INPP4A: variants seen among roughly 807,000 people sequenced by gnomAD.
INPP4A encodes the protein inositol polyphosphate-4-phosphatase type I A.
A neutral mutation model predicts 119.8 loss-of-function variants in INPP4A; 33 were observed. The ratio of observed to expected loss-of-function variants is 0.28; its 90% CI spans 0.21 to 0.37. INPP4A has a LOEUF of 0.37. Among genes scored for constraint, INPP4A ranks in the 10% least tolerant of loss-of-function variants. The probability of loss-of-function intolerance (pLI) is 1.00; values close to 1 mark genes in which losing one functional copy is unlikely to be tolerated. For missense variants in INPP4A, 956 were observed against 1,289.9 expected (o/e 0.74, Z 3.97); for synonymous variants, 496 against 500.7 (o/e 0.99, Z 0.12).
At position 98,513,209 on chromosome 2, in the gene INPP4A, T is replaced by A. The variant is rs575263951; in HGVS notation, c.-165-5755T>A. ...CGCCTCCCAGAATCAGTCCTTCTGC[T>A]TTTATGACCCATGCCAACCCCACAA... On this transcript the variant is annotated intron_variant, in intron 1 of 24. Coordinates refer to ENST00000409851, the MANE Select transcript of INPP4A (RefSeq NM_001134225.2). Among the ~76,000 whole-genome samples, 4 of 152,274 alleles carry A rather than the reference T, an allele frequency of 2.6e-5. No homozygotes were observed. The East Asian group carries it at 7.7e-4, about 29-fold the overall frequency.
At chr2:98,565,909 C>T in intron 20 of INPP4A, 120 bp from the exon 21 acceptor site, 1 of 1,497,928 alleles carries the variant, frequency 6.7e-7, no homozygotes, top group Non-Finnish European at 9.0e-7. Flanking sequence ...GTGCCACTCC[C>T]TTAAAGGTCT....
chr2:98,457,852 A>AGT (rs1055923942), intron 1 of INPP4A, among the ~76,000 whole-genome samples: 1 of 152,028 alleles, frequency 6.6e-6, no homozygotes, highest in African/African-American at 2.4e-5. Context: ...CCCAGGCTAT[A>AGT]GTGTAGTAGA....
intron 16 of INPP4A, chr2:98,556,135 G>T: frequency 3.1e-6 from 1 of 317,552 alleles, no homozygotes; most frequent in Non-Finnish European, 5.8e-6. Context: ...CCTGAAGGAG[G>T]CCAGGATGCA....
intron 11 of INPP4A, 52 bp downstream of exon 11, chr2:98,544,059 ACACACT>A: frequency 6.7e-7 from 1 of 1,486,156 alleles, no homozygotes; most frequent in Non-Finnish European, 9.1e-7. Context: ...ACACACACAC[ACACACT>A]CTCACTCTCA....
intron 1 of INPP4A, among the ~76,000 whole-genome samples, chr2:98,500,174 C>G (rs987706634): frequency 2.6e-5 from 4 of 152,064 alleles, no homozygotes; most frequent in Non-Finnish European, 4.4e-5. Flanking sequence ...TTGTGGTATA[C>G]AGAGTCCTCA....
At chr2:98,445,850 A>C (rs1694094716) in intron 1 of INPP4A, among the ~76,000 whole-genome samples, 1 of 152,226 alleles carries the variant, frequency 6.6e-6, no homozygotes, top group African/African-American at 2.4e-5. Flanking sequence ...TCCTCTGGGT[A>C]AGAAAGACCT....
chr2:98,524,490 G>T (rs1256369445), intron 4 of INPP4A, among the ~76,000 whole-genome samples: 1 of 152,176 alleles, frequency 6.6e-6, no homozygotes, highest in Non-Finnish European at 1.5e-5. Context: ...TCCCTTGTAC[G>T]AAGGCATGTT....
At chr2:98,450,490 G>T (rs1270867779) in intron 1 of INPP4A, among the ~76,000 whole-genome samples, 1 of 152,156 alleles carries the variant, frequency 6.6e-6, no homozygotes, top group Non-Finnish European at 1.5e-5. Context: ...GTGGACTCTG[G>T]TGCTGCACTT....
intron 13 of INPP4A, among the ~76,000 whole-genome samples, chr2:98,551,598 G>A (rs1693532155): frequency 6.6e-6 from 1 of 152,212 alleles, no homozygotes; most frequent in South Asian, 2.1e-4. Flanking sequence ...GGCCAATGGG[G>A]AAGATTCTCA....
chr2:98,516,204 G>T (rs1325475688), intron 1 of INPP4A, among the ~76,000 whole-genome samples: 1 of 152,182 alleles, frequency 6.6e-6, no homozygotes, highest in Non-Finnish European at 1.5e-5. Context: ...GAGAAATCGA[G>T]TTCAGCTGTG....
At chr2:98,451,305 C>T (rs1695179097) in intron 1 of INPP4A, among the ~76,000 whole-genome samples, 2 of 152,096 alleles carry the variant, frequency 1.3e-5, no homozygotes, top group South Asian at 4.1e-4. Context: ...GTGAGGCTCA[C>T]CTGGCGAGGG....
chr2:98,534,860 G>T (rs1689929735), intron 5 of INPP4A, among the ~76,000 whole-genome samples: 1 of 152,230 alleles, frequency 6.6e-6, no homozygotes, highest in African/African-American at 2.4e-5. Context: ...CTTGCAAGGG[G>T]AGTTCATGAT....
At chr2:98,575,916 G>C (rs1377584616) in intron 23 of INPP4A, among the ~76,000 whole-genome samples, 1 of 152,212 alleles carries the variant, frequency 6.6e-6, no homozygotes, top group East Asian at 1.9e-4. Flanking sequence ...GGAATGCACA[G>C]GTTTTCAGAT....
chr2:98,549,667 G>A (rs1693143480), intron 13 of INPP4A, among the ~76,000 whole-genome samples: 1 of 152,184 alleles, frequency 6.6e-6, no homozygotes, highest in African/African-American at 2.4e-5. Flanking sequence ...GTGACCCATG[G>A]GGCTCAGGGG....
chr2:98,584,630 T>C (rs1328464727), intron 24 of INPP4A, among the ~76,000 whole-genome samples: 1 of 152,238 alleles, frequency 6.6e-6, no homozygotes, highest in Non-Finnish European at 1.5e-5. Context: ...CTGAGAGAAA[T>C]GAGACCAAAG....
chr2:98,516,255 C>T (rs1173511648), intron 1 of INPP4A, among the ~76,000 whole-genome samples: 1 of 152,188 alleles, frequency 6.6e-6, no homozygotes, highest in Non-Finnish European at 1.5e-5. Flanking sequence ...ACTTAAATTG[C>T]AGATTCTAAT....
chr2:98,457,553 T>G (rs929995701), intron 1 of INPP4A, among the ~76,000 whole-genome samples: 1 of 152,244 alleles, frequency 6.6e-6, no homozygotes, highest in Non-Finnish European at 1.5e-5. Context: ...CCAGTGTTTG[T>G]CATGGGAACT....
At chr2:98,541,915 T>A (rs1691535773) in intron 10 of INPP4A, among the ~76,000 whole-genome samples, 1 of 152,192 alleles carries the variant, frequency 6.6e-6, no homozygotes, top group Admixed American at 6.5e-5. Flanking sequence ...AGTGCTTTAG[T>A]TCAAGGGTTT....
rs193203141 is a variant in INPP4A, at chr2:98,543,835, C to T, written c.819-42C>T. 231 of 1,609,920 alleles carry T rather than the reference C, an allele frequency of 1.4e-4. 2 individuals carry two copies. The African/African-American group carries it at 2.6e-3, about 18-fold the overall frequency. On this transcript the variant is annotated intron_variant, in intron 10 of 24. Coordinates refer to ENST00000409851, the MANE Select transcript of INPP4A (RefSeq NM_001134225.2). ...GACCTCCTGGGCCTCTCTGGGGAAA[C>T]CAGTTAGCCCACAGCCTGATGCATC... is the stretch of plus-strand genomic sequence containing the variant.
Sources: allele counts gnomAD v4.1 joint callset (sites outside exome capture counted in the v4.1 genomes callset), GRCh38; gene constraint gnomAD v4.1.1; transcripts MANE v1.5; gene names NCBI Gene and HGNC (gene_info 2026-07-23, HGNC 2026-07-21).